The following BLTP3B variants were observed in gnomAD, a reference collection of about 807,000 sequenced individuals.
BLTP3B encodes UHRF1 (ICBP90) binding protein 1-like.
the BLTP3B span, among the ~76,000 whole-genome samples, chr12:100,047,283 A>C: frequency 6.6e-6 from 1 of 152,106 alleles, no homozygotes; most frequent in Admixed American, 6.6e-5. Flanking sequence ...AGATAACCTG[A>C]AGTCAGGAGT....
chr12:100,130,022 G>A, the BLTP3B span, among the ~76,000 whole-genome samples: 4 of 152,138 alleles, frequency 2.6e-5, no homozygotes, highest in Non-Finnish European at 4.4e-5. Context: ...AGTGTGGCAC[G>A]ATCTCGGTTC....
chr12:100,120,918 G>A, the BLTP3B span, among the ~76,000 whole-genome samples: 11,019 of 151,958 alleles, frequency 0.073, 429 homozygotes, highest in South Asian at 0.092. Context: ...AAAGGTAAAC[G>A]GATAAATTGT....
the BLTP3B span, among the ~76,000 whole-genome samples, chr12:100,077,341 G>A: frequency 6.6e-6 from 1 of 152,148 alleles, no homozygotes; most frequent in Non-Finnish European, 1.5e-5. Context: ...GTTTAAGTAG[G>A]CTACATACCA....
the BLTP3B span, among the ~76,000 whole-genome samples, chr12:100,112,681 G>C: frequency 1.4e-5 from 2 of 142,576 alleles, no homozygotes; most frequent in East Asian, 3.9e-4. Context: ...AAAACAAAAA[G>C]GTCCATATAA....
chr12:100,059,101 T>G, the BLTP3B span: 2 of 1,614,076 alleles, frequency 1.2e-6, no homozygotes, highest in Middle Eastern at 1.6e-4. Flanking sequence ...CAAATCCAAA[T>G]GGAAAGAGGG....
At chr12:100,037,716 T>C in the BLTP3B span, 1 of 1,610,756 alleles carries the variant, frequency 6.2e-7, no homozygotes, top group Non-Finnish European at 8.5e-7. Context: ...ATTTTAGCTT[T>C]AGCCAGTTCC....
the BLTP3B span, among the ~76,000 whole-genome samples, chr12:100,061,678 A>G: frequency 6.7e-6 from 1 of 149,852 alleles, no homozygotes; most frequent in African/African-American, 2.5e-5. Flanking sequence ...AAAAAAAAAG[A>G]AAGATCTATA....
chr12:100,104,058 T>A, the BLTP3B span: 1 of 692,228 alleles, frequency 1.4e-6, no homozygotes, highest in African/African-American at 1.9e-5. Flanking sequence ...CACCAAATTA[T>A]ATAAAATCAC....
the BLTP3B span, among the ~76,000 whole-genome samples, chr12:100,090,390 A>C: frequency 6.6e-6 from 1 of 152,206 alleles, no homozygotes; most frequent in African/African-American, 2.4e-5. Flanking sequence ...TTTTGTATAC[A>C]TAACTATAAT....
the BLTP3B span, chr12:100,058,022 T>C: frequency 6.5e-7 from 1 of 1,549,966 alleles, no homozygotes; most frequent in South Asian, 1.3e-5. Context: ...CAATAAAATG[T>C]TGTTACCTTA....
chr12:100,048,777 T>TGA, the BLTP3B span, among the ~76,000 whole-genome samples: 1 of 130,864 alleles, frequency 7.6e-6, no homozygotes, highest in African/African-American at 3.4e-5. Context: ...AGTGAGTGTG[T>TGA]GTGTGTGTGT....
the BLTP3B span, among the ~76,000 whole-genome samples, chr12:100,089,333 C>A: frequency 6.6e-6 from 1 of 152,060 alleles, no homozygotes; most frequent in Non-Finnish European, 1.5e-5. Flanking sequence ...CCGAGGCAGG[C>A]GAATCATCTG....
chr12:100,055,436 G>A, the BLTP3B span, among the ~76,000 whole-genome samples: 3 of 152,182 alleles, frequency 2.0e-5, no homozygotes, highest in South Asian at 4.2e-4. Context: ...CAGCATTTTG[G>A]GAGGCTGAGA....
chr12:100,039,400 A>G, the BLTP3B span, among the ~76,000 whole-genome samples: 1 of 152,246 alleles, frequency 6.6e-6, no homozygotes, highest in African/African-American at 2.4e-5. Flanking sequence ...ATAGCACTGG[A>G]GGAAGGCAGA....
At chr12:100,094,410 T>C in the BLTP3B span, among the ~76,000 whole-genome samples, 9 of 152,158 alleles carry the variant, frequency 5.9e-5, no homozygotes, top group African/African-American at 1.9e-4. Context: ...TGTCCCCTAC[T>C]TATAAAGATT....
the BLTP3B span, chr12:100,084,387 C>A: frequency 2.3e-6 from 1 of 433,330 alleles, no homozygotes; most frequent in Non-Finnish European, 3.4e-6. Flanking sequence ...ATCACACACA[C>A]ACACACACAC....
chr12:100,044,003 C>CTA, the BLTP3B span, among the ~76,000 whole-genome samples: 1 of 152,038 alleles, frequency 6.6e-6, no homozygotes, highest in Non-Finnish European at 1.5e-5. Flanking sequence ...TTTTAAAGAA[C>CTA]TATATATATG....
the BLTP3B span, among the ~76,000 whole-genome samples, chr12:100,108,746 T>G: frequency 1.3e-5 from 2 of 152,202 alleles, no homozygotes; most frequent in Non-Finnish European, 2.9e-5. Flanking sequence ...TGAGATCCTG[T>G]CATTTGCAAC....
chr12:100,091,029 C>CTTT, the BLTP3B span, among the ~76,000 whole-genome samples: 1 of 139,814 alleles, frequency 7.2e-6, no homozygotes, highest in African/African-American at 2.6e-5. Context: ...ATGAATAATC[C>CTTT]TTTTTTTTTT....
Sources: gnomAD v4.1 joint callset for allele counts (sites outside exome capture counted in the v4.1 genomes callset) on GRCh38, gnomAD v4.1.1 for gene constraint, MANE v1.5 for transcripts, NCBI Gene and HGNC (gene_info 2026-07-23, HGNC 2026-07-21) for gene names.